LOXL2: variants seen among roughly 807,000 people sequenced by gnomAD.
LOXL2 encodes lysyl oxidase homolog 2.
In LOXL2, 70 loss-of-function variants were observed where a neutral mutation model predicts 93.0. The observed-to-expected ratio is 0.75, with a 90% CI of 0.62 to 0.92. The LOEUF is 0.92. Among genes scored for constraint, LOXL2 ranks in the 40% least tolerant of loss-of-function variants. LOXL2 has a pLI of 0.00. For missense variants in LOXL2, 973 were observed against 1,054.9 expected (o/e 0.92, Z 1.08); for synonymous variants, 438 against 413.2 (o/e 1.06, Z -0.73).
intron 6 of LOXL2, among the ~76,000 whole-genome samples, chr8:23,327,475 C>T (rs918509563): frequency 2.2e-4 from 33 of 152,164 alleles, no homozygotes; most frequent in Non-Finnish European, 3.7e-4. Flanking sequence ...GCCACCCCAC[C>T]GCTTGTCTGT....
chr8:23,332,859 CACTCATACACACGCACAG>C (rs1457659624), intron 5 of LOXL2, among the ~76,000 whole-genome samples: 7 of 138,162 alleles, frequency 5.1e-5, no homozygotes, highest in African/African-American at 1.9e-4. Flanking sequence ...CATACACACA[CACTCATACACACGCACAG>C]ACTCATACAC....
intron 1 of LOXL2, among the ~76,000 whole-genome samples, chr8:23,386,341 T>C (rs560374221): frequency 1.3e-5 from 2 of 152,316 alleles, no homozygotes; most frequent in South Asian, 4.1e-4. Flanking sequence ...TGCAGTGAGC[T>C]GAGCTCATGC....
intron 4 of LOXL2, among the ~76,000 whole-genome samples, chr8:23,333,828 G>A (rs1216767627): frequency 2.0e-5 from 3 of 152,212 alleles, no homozygotes; most frequent in Non-Finnish European, 2.9e-5. Context: ...GGGACAGGAC[G>A]CAGAGGGTGG....
chr8:23,317,222 T>C, intron 8 of LOXL2, 108 bp from the exon 9 acceptor site: 1 of 1,289,824 alleles, frequency 7.8e-7, no homozygotes, highest in Non-Finnish European at 1.1e-6. Flanking sequence ...CATGATCCCA[T>C]TTTTCAGATC....
rs4129464 is a variant in LOXL2, at chr8:23,318,462, A to C, written c.1471-1348T>G. Among the ~76,000 whole-genome samples, 772 of 108,326 alleles carry C rather than the reference A, an allele frequency of 7.1e-3. 4 individuals carry two copies. The highest frequency in any genetic ancestry group is 0.034 in the African/African-American group (697 of 20,572). 71.1% of individuals were successfully genotyped at this position (108,326 alleles called of 152,430 possible). Reference sequence around the variant, plus strand: ...ACACACACACACACACACACACACAAAAATACACATTCATACAACCTACTG... The same window carrying C: ...ACACACACACACACACACACACACACAAATACACATTCATACAACCTACTG... On this transcript the variant is annotated intron_variant, in intron 8 of 13. Transcript: ENST00000389131.
rs201825340 is a variant in LOXL2 at position 23,330,605 on chromosome 8, T to C, written c.967-2040A>G. Among the ~76,000 whole-genome samples, 15 of 103,862 alleles carry C rather than the reference T, an allele frequency of 1.4e-4. No homozygotes were observed. In the East Asian group the frequency reaches 3.7e-3, roughly 26 times the overall value. The allele number at this position is 103,862 out of a possible 152,430, so 68.1% of individuals were successfully genotyped here. On this transcript the variant is annotated intron_variant, in intron 5 of 13. Transcript: ENST00000389131. ...GAAAGAAAGAAACCAAGGGAAAATA[T>C]GATGTAAGGCACGCTCGCTCTGTTT...
In LOXL2 at chr8:23,341,059, T is replaced by A. The variant is rs376823352; in HGVS notation, c.676A>T (p.Asn226Tyr). 1 of 1,614,156 alleles carries A rather than the reference T, an allele frequency of 6.2e-7. No individual in the cohort carries two copies. The highest frequency in any genetic ancestry group is 1.1e-5 in the South Asian group (1 of 91,088). ...AACATGCCGCAGACCACGCGGGAATTCTTGGCCGTCCAGTGCTTGTCACAG... is the reference window on the plus strand; with the variant it reads ...AACATGCCGCAGACCACGCGGGAATACTTGGCCGTCCAGTGCTTGTCACAG... ...QICDKHWTAK[N>Y]SRVVCGMFGF... Residue 226 changes from asparagine to tyrosine, a missense_variant, in exon 4 of 14, where the codon AAT becomes TAT. By Grantham distance (143) the Asn-to-Tyr change is moderately radical (BLOSUM62 -2). Transcript: ENST00000389131.
intron 9 of LOXL2, 132 bp from the exon 10 acceptor site, chr8:23,310,043 A>C: frequency 1.0e-6 from 1 of 983,778 alleles, no homozygotes; most frequent in Non-Finnish European, 1.4e-6. Context: ...GGGCTCCTCA[A>C]GGTTACCTTC....
intron 4 of LOXL2, among the ~76,000 whole-genome samples, chr8:23,339,834 G>GCCT (rs1348467802): frequency 6.6e-6 from 1 of 152,102 alleles, no homozygotes; most frequent in African/African-American, 2.4e-5. Flanking sequence ...CACCCAAATG[G>GCCT]GCAGCTCTGC....
At chr8:23,346,507 GGAGCTCT>G (rs1251570715) in intron 3 of LOXL2, among the ~76,000 whole-genome samples, 1 of 152,174 alleles carries the variant, frequency 6.6e-6, no homozygotes, top group Non-Finnish European at 1.5e-5. Flanking sequence ...GGAGAGGAAG[GGAGCTCT>G]GAGCTCTGAC....
intron 1 of LOXL2, among the ~76,000 whole-genome samples, chr8:23,375,623 G>A (rs538282428): frequency 6.6e-6 from 1 of 152,134 alleles, no homozygotes; most frequent in East Asian, 1.9e-4. Flanking sequence ...TTATTTCCTT[G>A]AGCAGTGGTT....
intron 3 of LOXL2, among the ~76,000 whole-genome samples, chr8:23,346,816 G>A (rs1803997204): frequency 6.6e-6 from 1 of 152,276 alleles, no homozygotes; most frequent in Admixed American, 6.5e-5. Context: ...ATCAGCCCAG[G>A]CTTTCTGACC....
chr8:23,377,379 A>G (rs1208375165), intron 1 of LOXL2, among the ~76,000 whole-genome samples: 4 of 152,000 alleles, frequency 2.6e-5, no homozygotes, highest in Non-Finnish European at 5.9e-5. Flanking sequence ...CAATTTTGGA[A>G]TAAGTGCGAT....
rs572659302 is a variant in LOXL2, at chr8:23,319,441, A to G, written c.1470+444T>C. On this transcript the variant is annotated intron_variant, in intron 8 of 13. Transcript: ENST00000389131. ...CATTAGGCACAGATGCCAGCGGGGA[A>G]ACGTGTTCAGACCAGAGCGGGTTTC... 3.9e-4 allele frequency among the ~76,000 whole-genome samples: 59 copies of G among 152,292 alleles called. 1 individual carries two copies. The South Asian group carries it at 0.012, about 32-fold the overall frequency.
chr8:23,313,033 G>C (rs999052625), intron 9 of LOXL2, among the ~76,000 whole-genome samples: 4 of 151,028 alleles, frequency 2.6e-5, no homozygotes, highest in African/African-American at 9.8e-5. Flanking sequence ...CAAATCATGA[G>C]TGAACTCCCA....
chr8:23,358,802 A>G (rs1368697124), intron 3 of LOXL2, among the ~76,000 whole-genome samples: 1 of 151,720 alleles, frequency 6.6e-6, no homozygotes, highest in African/African-American at 2.4e-5. Flanking sequence ...CCATAGCAGG[A>G]TATTTTGAGT....
Position 23,303,333 on chromosome 8 carries a change from C to G in LOXL2, c.1945G>C (p.Ala649Pro), listed in dbSNP as rs1803171209. The G allele has an allele frequency of 1.2e-6, 2 of 1,613,582 alleles. No homozygotes were observed. Among genetic ancestry groups the G allele is most frequent in the Admixed American group, 3.3e-5 (2 of 59,962 alleles). Reference sequence around the variant, plus strand: ...CAGAAGCTGGCCTTGTGGCCCTCTGCCACCTTGGTGCCATTGAGGTTCAGC... The same window carrying G: ...CAGAAGCTGGCCTTGTGGCCCTCTGGCACCTTGGTGCCATTGAGGTTCAGC... ...DLLNLNGTKV[A>P]EGHKASFCLE... Residue 649 changes from alanine (A) to proline (P), a missense_variant, in exon 11 of 14, where the codon GCA becomes CCA. Physicochemically the swap from Ala to Pro is conservative, Grantham distance 27. Transcript: ENST00000389131.
At chr8:23,319,819 G>T in intron 8 of LOXL2, 66 bp downstream of exon 8, 2 of 1,534,460 alleles carry the variant, frequency 1.3e-6, no homozygotes, top group South Asian at 2.4e-5. Flanking sequence ...GAGGGGGGCT[G>T]ACTGAAGACA....
intron 2 of LOXL2, among the ~76,000 whole-genome samples, chr8:23,367,426 T>G (rs1804421614): frequency 6.6e-6 from 1 of 151,992 alleles, no homozygotes; most frequent in Non-Finnish European, 1.5e-5. Flanking sequence ...TAACCAACGG[T>G]GAAAAACCCA....
Sources: allele counts gnomAD v4.1 joint callset (sites outside exome capture counted in the v4.1 genomes callset), GRCh38; gene constraint gnomAD v4.1.1; transcripts MANE v1.5; gene names NCBI Gene and HGNC (gene_info 2026-07-23, HGNC 2026-07-21).